SENP7: variants seen among roughly 807,000 people sequenced by gnomAD.
SENP7 encodes SUMO specific peptidase 7.
Under a neutral mutation model 141.2 loss-of-function variants are expected in SENP7, and 64 were observed. The observed-to-expected ratio is 0.45, with a 90% CI of 0.37 to 0.56. SENP7 has a LOEUF of 0.56. Among genes scored for constraint, SENP7 ranks in the 20% least tolerant of loss-of-function variants. The pLI, the probability that SENP7 is intolerant of heterozygous loss-of-function variation, is 0.00. For missense variants in SENP7, 1,025 were observed against 1,212.2 expected (o/e 0.85, Z 2.29); for synonymous variants, 382 against 426.4 (o/e 0.90, Z 1.28).
chr3:101,406,145 T>C (rs1324396690), intron 5 of SENP7, among the ~76,000 whole-genome samples: 1 of 152,234 alleles, frequency 6.6e-6, no homozygotes, highest in Non-Finnish European at 1.5e-5. Flanking sequence ...ATATGTTTAT[T>C]GTTGCACTAT....
At chr3:101,449,783 C>A (rs1037097644) in intron 4 of SENP7, among the ~76,000 whole-genome samples, 9 of 152,126 alleles carry the variant, frequency 5.9e-5, no homozygotes, top group Non-Finnish European at 1.2e-4. Context: ...TTATAAAGAC[C>A]ATCGAGGCTA....
At chr3:101,342,654 T>A (rs770784759) in intron 14 of SENP7, among the ~76,000 whole-genome samples, 35 of 152,038 alleles carry the variant, frequency 2.3e-4, no homozygotes, top group Non-Finnish European at 4.0e-4. Context: ...AGTCTTTCCT[T>A]GTTTTTCATG....
chr3:101,498,577 G>A (rs2065248104), intron 2 of SENP7, among the ~76,000 whole-genome samples: 1 of 152,186 alleles, frequency 6.6e-6, no homozygotes, highest in Non-Finnish European at 1.5e-5. Flanking sequence ...AATTGTCATA[G>A]ACTTAAGAAA....
At chr3:101,429,223 T>C (rs2062072574) in intron 4 of SENP7, among the ~76,000 whole-genome samples, 1 of 152,190 alleles carries the variant, frequency 6.6e-6, no homozygotes, top group Non-Finnish European at 1.5e-5. Flanking sequence ...TTTCCAATTC[T>C]GTGAAGAAAG....
chr3:101,384,493 C>T (rs1200098613), intron 6 of SENP7, among the ~76,000 whole-genome samples: 1 of 152,240 alleles, frequency 6.6e-6, no homozygotes, highest in Non-Finnish European at 1.5e-5. Flanking sequence ...CCACCTCAAT[C>T]CCCAGTGCCA....
At chr3:101,499,578 C>A (rs1402309536) in intron 2 of SENP7, among the ~76,000 whole-genome samples, 1 of 147,342 alleles carries the variant, frequency 6.8e-6, no homozygotes, top group Non-Finnish European at 1.5e-5. Flanking sequence ...CTCTGTCGCC[C>A]AGTCTAGAGT....
chr3:101,358,722 C>T (rs139217016), intron 11 of SENP7: 1 of 157,734 alleles, frequency 6.3e-6, no homozygotes, highest in African/African-American at 2.4e-5. Context: ...GCAACCTCCG[C>T]CTCCTGGGTT....
At chr3:101,449,443 G>GA (rs1253051059) in intron 4 of SENP7, among the ~76,000 whole-genome samples, 1 of 152,160 alleles carries the variant, frequency 6.6e-6, no homozygotes, top group African/African-American at 2.4e-5. Context: ...TGAAATGAAA[G>GA]AAAAAATGTT....
intron 20 of SENP7, among the ~76,000 whole-genome samples, chr3:101,329,956 GAAA>G (rs1203567505): frequency 1.7e-5 from 1 of 57,338 alleles, no homozygotes; most frequent in African/African-American, 6.6e-5. Context: ...CCATCACAAA[GAAA>G]AAAAAAAAAA....
intron 17 of SENP7, among the ~76,000 whole-genome samples, chr3:101,336,584 A>G (rs890844282): frequency 3.3e-5 from 5 of 152,212 alleles, no homozygotes; most frequent in African/African-American, 7.2e-5. Flanking sequence ...TCATGATAGG[A>G]AAAACTGAAA....
chr3:101,362,861 A>T (rs2059937792), intron 10 of SENP7, among the ~76,000 whole-genome samples: 1 of 152,212 alleles, frequency 6.6e-6, no homozygotes, highest in Admixed American at 6.5e-5. Flanking sequence ...TTTAAATTAT[A>T]ATAGAAAACC....
intron 6 of SENP7, among the ~76,000 whole-genome samples, chr3:101,397,923 C>T (rs981528758): frequency 3.9e-5 from 6 of 152,138 alleles, no homozygotes; most frequent in African/African-American, 1.4e-4. Context: ...TAGCTTTGTG[C>T]CACAGATTTT....
chr3:101,444,023 A>G (rs1490832087), intron 4 of SENP7, among the ~76,000 whole-genome samples: 6 of 146,810 alleles, frequency 4.1e-5, no homozygotes, highest in Non-Finnish European at 9.0e-5. Context: ...AGAATCTACA[A>G]TGAACTCAAA....
intron 6 of SENP7, among the ~76,000 whole-genome samples, chr3:101,375,333 G>A (rs1015131044): frequency 2.8e-4 from 42 of 151,842 alleles, no homozygotes; most frequent in African/African-American, 9.4e-4. Flanking sequence ...ACCTGAGGTC[G>A]AGAGTTCAAG....
chr3:101,389,115 G>T (rs1230177136), intron 6 of SENP7, among the ~76,000 whole-genome samples: 1 of 152,054 alleles, frequency 6.6e-6, no homozygotes, highest in Non-Finnish European at 1.5e-5. Context: ...TTGAGCAAAA[G>T]ATTTATTTTT....
intron 9 of SENP7, among the ~76,000 whole-genome samples, chr3:101,365,288 TC>T (rs1468184375): frequency 6.6e-6 from 1 of 151,482 alleles, no homozygotes; most frequent in African/African-American, 2.4e-5. Flanking sequence ...TAGGTGTGGG[TC>T]ACTGCACCCA....
chr3:101,357,635 T>G (rs2059780245), intron 11 of SENP7: 129 of 798,684 alleles, frequency 1.6e-4, no homozygotes, highest in Non-Finnish European at 2.5e-4. Context: ...CAAAAGCGGT[T>G]ATAATGGACT....
rs1256709394 is a variant in SENP7 at position 101,325,852 on chromosome 3, T to G, written c.*91A>C. ...CTTATTATAAAACTACTGCAAGTTA[T>G]TTTCTTCTCTGTGAGCTGGCTAACA... On this transcript the variant is annotated 3_prime_UTR_variant, in exon 24 of 24. Coordinates refer to ENST00000394095, the MANE Select transcript of SENP7 (RefSeq NM_020654.5). 1 of 1,207,118 alleles carries G rather than the reference T, an allele frequency of 8.3e-7. No homozygotes were observed. The highest frequency in any genetic ancestry group is 1.1e-6 in the Non-Finnish European group (1 of 884,230). 74.8% of individuals were successfully genotyped at this position (1,207,118 alleles called of 1,614,324 possible).
chr3:101,428,880 G>A (rs1338741556), intron 4 of SENP7, among the ~76,000 whole-genome samples: 1 of 152,122 alleles, frequency 6.6e-6, no homozygotes, highest in Admixed American at 6.5e-5. Context: ...TAAGGTCTAA[G>A]GAAGGAGTCA....
Sources: allele counts gnomAD v4.1 joint callset (sites outside exome capture counted in the v4.1 genomes callset), GRCh38; gene constraint gnomAD v4.1.1; transcripts MANE v1.5; gene names NCBI Gene and HGNC (gene_info 2026-07-23, HGNC 2026-07-21).